Variants in LRRIQ1 observed in about 807,000 individuals in gnomAD.
The protein encoded by LRRIQ1 is leucine-rich repeat- and IQ domain-containing protein 1.
LRRIQ1 carries 210 observed loss-of-function variants against 211.9 expected under a neutral mutation model. The ratio of observed to expected loss-of-function variants is 0.99; its 90% CI spans 0.89 to 1.11. The LOEUF is 1.11. Among genes scored for constraint, LRRIQ1 ranks in the 50% most tolerant of loss-of-function variants. The probability of loss-of-function intolerance (pLI) is 0.00; values close to 1 mark genes in which losing one functional copy is unlikely to be tolerated. For missense variants in LRRIQ1, 2,136 were observed against 1,939.5 expected (o/e 1.10, Z -1.90); for synonymous variants, 699 against 650.1 (o/e 1.08, Z -1.14).
intron 19 of LRRIQ1, among the ~76,000 whole-genome samples, chr12:85,151,415 A>C (rs1890232238): frequency 6.6e-6 from 1 of 151,654 alleles, no homozygotes; most frequent in Non-Finnish European, 1.5e-5. Flanking sequence ...CCTCAGAATA[A>C]ATTATTCTAG....
At chr12:85,209,542 A>T (rs1024691979) in intron 24 of LRRIQ1, among the ~76,000 whole-genome samples, 4 of 152,050 alleles carry the variant, frequency 2.6e-5, no homozygotes, top group African/African-American at 4.8e-5. Context: ...TCTTTATTTT[A>T]AAAAAATGCA....
chr12:85,208,916 T>C (rs1438171448), intron 24 of LRRIQ1, among the ~76,000 whole-genome samples: 1 of 152,166 alleles, frequency 6.6e-6, no homozygotes, highest in Non-Finnish European at 1.5e-5. Context: ...TTTTCTGTCT[T>C]CTGGTGCTGT....
In LRRIQ1 at chr12:85,065,422, C is replaced by T. The variant is rs761810106; in HGVS notation, c.2544+8C>T. On this transcript the variant is annotated splice_region_variant and intron_variant, in intron 9 of 26. Transcript: ENST00000393217. ...AAGTACATTGATGCACAGGTATGCT[C>T]TCTGCCCTACTGTTATTTATTTTAT... The T allele has an allele frequency of 3.2e-6, 5 of 1,571,166 alleles. No homozygotes were observed. In the African/African-American group the frequency reaches 5.5e-5, roughly 17 times the overall value.
chr12:85,254,249 C>T lies in LRRIQ1; in HGVS notation c.122-8666C>T, dbSNP rs533973894. Among the ~76,000 whole-genome samples the T allele has an allele frequency of 6.6e-5, 10 of 152,208 alleles. 1 individual carries two copies. In the South Asian group the frequency reaches 1.4e-3, roughly 22 times the overall value. On this transcript the variant is annotated intron_variant, in intron 1 of 1. Coordinates refer to the LRRIQ1 transcript ENST00000602731. ...CTGCAGAACCACGAGCCAATTAAAC[C>T]TCTTTTCTTCATAAATTATGCAGTC...
intron 24 of LRRIQ1, among the ~76,000 whole-genome samples, chr12:85,217,577 CATATGTATATATATATGTAT>C (rs1894184602): frequency 5.2e-5 from 2 of 38,460 alleles, no homozygotes; most frequent in East Asian, 6.2e-4. Context: ...TGTGTGTATA[CATATGTATATATATATGTAT>C]ATATGTATAT....
At chr12:85,218,092 A>G (rs1292936548) in intron 24 of LRRIQ1, among the ~76,000 whole-genome samples, 2 of 152,072 alleles carry the variant, frequency 1.3e-5, no homozygotes, top group African/African-American at 2.4e-5. Flanking sequence ...CTTAAAATCA[A>G]TTAAGACCAT....
intron 1 of LRRIQ1, among the ~76,000 whole-genome samples, chr12:85,261,952 G>T (rs903251146): frequency 6.6e-6 from 1 of 151,744 alleles, no homozygotes. Flanking sequence ...CACCACGCCC[G>T]GCTAATTTTG....
intron 15 of LRRIQ1, among the ~76,000 whole-genome samples, chr12:85,113,018 C>T (rs1351769364): frequency 6.6e-6 from 1 of 152,078 alleles, no homozygotes; most frequent in Non-Finnish European, 1.5e-5. Context: ...AATCACTTTT[C>T]CTTACTAATA....
chr12:85,119,205 A>G (rs1477572505), intron 15 of LRRIQ1, among the ~76,000 whole-genome samples: 1 of 152,154 alleles, frequency 6.6e-6, no homozygotes, highest in African/African-American at 2.4e-5. Context: ...TAGCGATCTT[A>G]CTGTCTAAAT....
chr12:85,151,594 A>G (rs1369199518), intron 19 of LRRIQ1, among the ~76,000 whole-genome samples: 2 of 151,682 alleles, frequency 1.3e-5, no homozygotes, highest in Admixed American at 6.6e-5. Flanking sequence ...ATTATACAAC[A>G]CTAATATAAT....
Position 85,231,653 on chromosome 12 carries a change from C to T in LRRIQ1, c.4956-1043C>T, listed in dbSNP as rs186789682. 4.1e-3 allele frequency among the ~76,000 whole-genome samples: 618 copies of T among 152,220 alleles called. 1 individual carries two copies. Among genetic ancestry groups the T allele is most frequent in the African/African-American group, 0.014 (588 of 41,518 alleles). On this transcript the variant is annotated intron_variant, in intron 25 of 26. Coordinates refer to ENST00000393217, the MANE Select transcript of LRRIQ1 (RefSeq NM_001079910.2). ...TGGAAGGTAAATGGGGAAATAGACACACATGAAGGGGCAAAACCCAAGGGG... is the reference window on the plus strand; with the variant it reads ...TGGAAGGTAAATGGGGAAATAGACATACATGAAGGGGCAAAACCCAAGGGG...
chr12:85,142,405 T>C (rs1260564983), intron 19 of LRRIQ1, among the ~76,000 whole-genome samples: 1 of 151,602 alleles, frequency 6.6e-6, no homozygotes, highest in Non-Finnish European at 1.5e-5. Flanking sequence ...GAAGTATATA[T>C]ACATTGTGAA....
rs1269379219 is a variant in LRRIQ1, at chr12:85,245,055, TTTAAATA to T, written c.*116_*122del. The T allele has an allele frequency of 1.3e-5, 18 of 1,393,186 alleles. No homozygotes were observed. In the African/African-American group the frequency reaches 2.7e-4, roughly 21 times the overall value. The allele number at this position is 1,393,186 out of a possible 1,614,324, so 86.3% of individuals were successfully genotyped here. On this transcript the variant is annotated 3_prime_UTR_variant, in exon 27 of 27. Transcript: ENST00000393217. ...AATGTGTATTTAAATTTTTTCTTTCTTTAAATATCCTCTTTTGATATAAACAAAATTA... is the reference window on the plus strand; with the variant it reads ...AATGTGTATTTAAATTTTTTCTTTCTTCCTCTTTTGATATAAACAAAATTA...
At chr12:85,250,116 A>G in intron 1 of LRRIQ1, among the ~76,000 whole-genome samples, 1 of 151,860 alleles carries the variant, frequency 6.6e-6, no homozygotes, top group Non-Finnish European at 1.5e-5. Flanking sequence ...AGGAATTGAT[A>G]CATGGATGGA....
chr12:85,089,076 T>G, intron 11 of LRRIQ1, among the ~76,000 whole-genome samples: 1 of 152,260 alleles, frequency 6.6e-6, no homozygotes, highest in Admixed American at 6.5e-5. Flanking sequence ...TGGCTCTGGG[T>G]TTGTCATAAA....
chr12:85,043,112 T>G (rs747152819), intron 3 of LRRIQ1, among the ~76,000 whole-genome samples: 2 of 152,100 alleles, frequency 1.3e-5, no homozygotes, highest in Non-Finnish European at 2.9e-5. Context: ...GCAGTAAGGT[T>G]TTTTGTTTAT....
At chr12:85,102,877 C>CA (rs1232145900) in intron 13 of LRRIQ1, among the ~76,000 whole-genome samples, 1 of 142,636 alleles carries the variant, frequency 7.0e-6, no homozygotes, top group African/African-American at 2.6e-5. Context: ...GACCTTGAGC[C>CA]AAAGCATATT....
intron 24 of LRRIQ1, among the ~76,000 whole-genome samples, chr12:85,199,600 G>A (rs1049206459): frequency 6.6e-6 from 1 of 152,130 alleles, no homozygotes; most frequent in African/African-American, 2.4e-5. Flanking sequence ...AAGGAAAAAG[G>A]TTGAATTGAC....
At chr12:85,050,389 C>T (rs1258516302) in intron 6 of LRRIQ1, among the ~76,000 whole-genome samples, 1 of 152,122 alleles carries the variant, frequency 6.6e-6, no homozygotes, top group Admixed American at 6.5e-5. Flanking sequence ...TGTATCAAAA[C>T]AAGGTAGACT....
Sources: allele counts gnomAD v4.1 joint callset (sites outside exome capture counted in the v4.1 genomes callset), GRCh38; gene constraint gnomAD v4.1.1; transcripts MANE v1.5; gene names NCBI Gene and HGNC (gene_info 2026-07-23, HGNC 2026-07-21).